Variants in ONECUT3 observed in about 807,000 individuals in gnomAD.
ONECUT3 encodes one cut domain family member 3.
Under a neutral mutation model 16.8 loss-of-function variants are expected in ONECUT3, and 11 were observed. The observed-to-expected ratio is 0.66, with a 90% CI of 0.41 to 1.09. The LOEUF is 1.09. Among genes scored for constraint, ONECUT3 ranks in the 50% least tolerant of loss-of-function variants. The pLI is 0.00. For missense variants in ONECUT3, 637 were observed against 629.9 expected, an observed-to-expected ratio of 1.01 and a Z score of -0.12; for synonymous variants, 344 against 310.7, an observed-to-expected ratio of 1.11 and a Z score of -1.13.
chr19:1,760,190 C>T (rs2067939300), intron 1 of ONECUT3, among the ~76,000 whole-genome samples: 1 of 152,236 alleles, frequency 6.6e-6, no homozygotes, highest in South Asian at 2.1e-4. Context: ...CTTGCCAGAG[C>T]CCCGCACTGC....
Position 1,754,724 on chromosome 19 carries a change from C to A in ONECUT3, c.1062C>A (p.Gly354=). Residue 354 remains glycine, a synonymous_variant, in exon 1 of 2, where the codon GGC becomes GGA. Transcript: ENST00000382349. The surrounding 1 kb of genome is among the most constrained non-coding windows in gnomAD (Gnocchi z 7.4). ...FAQRILCRSQ[G]TLSDLLRNPK... ...AGCGGATCCTGTGTCGCTCTCAGGG[C>A]ACGCTCTCCGACCTGCTGCGCAACC... is the stretch of plus-strand genomic sequence containing the variant. 1 of 1,550,012 alleles carries A rather than the reference C, an allele frequency of 6.5e-7. No homozygotes were observed. The highest frequency in any genetic ancestry group is 8.7e-7 in the Non-Finnish European group (1 of 1,150,308).
intron 1 of ONECUT3, among the ~76,000 whole-genome samples, chr19:1,773,642 C>G (rs2068077672): frequency 6.6e-6 from 1 of 152,210 alleles, no homozygotes; most frequent in African/African-American, 2.4e-5. Context: ...ACCTGCACCA[C>G]CGGCCACTTC....
rs1391994085 is a variant in ONECUT3, at chr19:1,764,902, T to C, written c.1192+10048T>C. ...CAGCTGGTGGCGGGGACAGGACGCG[T>C]CGCCAAGGAAACCGGTCATCATCCC... On this transcript the variant is annotated intron_variant, in intron 1 of 1. Transcript: ENST00000382349. This position sits in a 1 kb window ranked among gnomAD's most constrained non-coding sequence, Gnocchi z 5.0. 6.6e-6 allele frequency among the ~76,000 whole-genome samples: 1 copy of C among 151,808 alleles called. No individual in the cohort carries two copies. Among genetic ancestry groups the C allele is most frequent in the Admixed American group, 6.6e-5 (1 of 15,258 alleles).
chr19:1,769,221 T>C (rs2068030837), intron 1 of ONECUT3, among the ~76,000 whole-genome samples: 1 of 140,598 alleles, frequency 7.1e-6, no homozygotes, highest in Non-Finnish European at 1.6e-5. Context: ...GAAGAGGTGA[T>C]GAAGGAGGAG....
intron 1 of ONECUT3, among the ~76,000 whole-genome samples, chr19:1,756,203 A>G (rs1163323170): frequency 6.6e-6 from 1 of 151,572 alleles, no homozygotes; most frequent in African/African-American, 2.4e-5. Context: ...GGACCAGACA[A>G]CCCCCTGGGA....
intron 1 of ONECUT3, among the ~76,000 whole-genome samples, chr19:1,768,951 AGGTGCT>A: frequency 6.8e-6 from 1 of 147,886 alleles, no homozygotes; most frequent in South Asian, 2.2e-4. Flanking sequence ...GTAGAGGTAG[AGGTGCT>A]GGAGGTGGAG....
At chr19:1,772,589 C>A (rs527903415) in intron 1 of ONECUT3, among the ~76,000 whole-genome samples, 15 of 152,082 alleles carry the variant, frequency 9.9e-5, no homozygotes, top group Non-Finnish European at 2.2e-4. Flanking sequence ...AGGTGACAAC[C>A]CTGCTTCATC....
chr19:1,763,231 G>A (rs1161199089), intron 1 of ONECUT3, among the ~76,000 whole-genome samples: 1 of 151,772 alleles, frequency 6.6e-6, no homozygotes, highest in Admixed American at 6.6e-5. Context: ...GGGCGTGGTG[G>A]CACATGCCTG....
rs1042520745 is a variant in ONECUT3 at position 1,775,308 on chromosome 19, C to T, written c.1348C>T (p.Gln450Ter). The change falls in exon 2 of 2, where the codon CAG becomes TAG. Residue 450 changes from glutamine to a stop codon, truncating the protein, a stop_gained. Transcript: ENST00000382349. LOFTEE classifies it high-confidence loss of function. ...SKEMQVTISQ[Q>*]LGLELNTVSN... The stretch of plus-strand genomic sequence containing the variant: ...GGAGATGCAGGTCACCATCTCGCAG[C>T]AGCTCGGCTTGGAGCTCAACACCGT... 1 of 1,603,760 alleles carries T rather than the reference C, an allele frequency of 6.2e-7. No individual in the cohort carries two copies. Among genetic ancestry groups the T allele is most frequent in the Admixed American group, 1.7e-5 (1 of 58,982 alleles).
intron 1 of ONECUT3, among the ~76,000 whole-genome samples, chr19:1,768,614 T>TC (rs1347018124): frequency 6.6e-6 from 1 of 151,930 alleles, no homozygotes. Context: ...CCACTCTCTA[T>TC]CCCCCCGACT....
chr19:1,775,383 G>T lies in ONECUT3; in HGVS notation c.1423G>T (p.Glu475Ter), dbSNP rs778536345. The T allele has an allele frequency of 2.6e-6, 4 of 1,537,944 alleles. No homozygotes were observed. The highest frequency in any genetic ancestry group is 3.5e-6 in the Non-Finnish European group (4 of 1,143,160). Residue 475 changes from glutamate to a stop codon, truncating the protein, a stop_gained, in exon 2 of 2, where the codon GAG becomes TAG. Transcript: ENST00000382349. LOFTEE classifies it low-confidence loss of function (END_TRUNC). Reference protein sequence around the residue: ...ARRRCMNRWAEEPSTAPGGPA... With the variant: ...ARRRCMNRWA ...GCGCCGCTGCATGAACCGCTGGGCT[G>T]AGGAGCCCAGCACGGCCCCCGGGGG...
rs939637934 is a variant in ONECUT3, at chr19:1,754,926, C to A, written c.1192+72C>A. On this transcript the variant is annotated intron_variant, in intron 1 of 1. Coordinates refer to ENST00000382349, the MANE Select transcript of ONECUT3 (RefSeq NM_001080488.2). This position sits in a 1 kb window ranked among gnomAD's most constrained non-coding sequence, Gnocchi z 7.4. ...GACTCCCGAGCACCTAGCGGGGCGGCGGCCGATGCCCGGGGCCAGCGCCCC... is the reference window on the plus strand; with the variant it reads ...GACTCCCGAGCACCTAGCGGGGCGGAGGCCGATGCCCGGGGCCAGCGCCCC... The A allele has an allele frequency of 7.8e-7, 1 of 1,282,506 alleles. No individual in the cohort carries two copies. The highest frequency in any genetic ancestry group is 1.6e-5 in the African/African-American group (1 of 64,272). 79.4% of individuals were successfully genotyped at this position (1,282,506 alleles called of 1,614,324 possible).
chr19:1,780,355 A>T lies in ONECUT3; in HGVS notation c.*4910A>T, dbSNP rs1445459647. 6.6e-6 allele frequency: 1 copy of T among 152,036 alleles called. No individual in the cohort carries two copies. The highest frequency in any genetic ancestry group is 1.5e-5 in the Non-Finnish European group (1 of 68,020). The allele number at this position is 152,036 out of a possible 1,614,324, so 9.4% of individuals were successfully genotyped here. ...AAATCATCAAAGGGGGCTCTGGGAC[A>T]ATGTCCTCTGCCTCTGACTCCTCTT... On this transcript the variant is annotated 3_prime_UTR_variant, in exon 2 of 2. Transcript: ENST00000382349.
intron 1 of ONECUT3, among the ~76,000 whole-genome samples, chr19:1,763,730 T>TGG (rs2067960461): frequency 8.8e-6 from 1 of 113,170 alleles, no homozygotes; most frequent in South Asian, 2.5e-4. Context: ...TTTCCCTTTT[T>TGG]TGTTTTTTTT....
rs893467716 is a variant in ONECUT3 at position 1,758,825 on chromosome 19, G to C, written c.1192+3971G>C. On this transcript the variant is annotated intron_variant, in intron 1 of 1. Transcript: ENST00000382349. The surrounding 1 kb of genome is among the most constrained non-coding windows in gnomAD (Gnocchi z 5.9). ...GGGCGGTCGATGAATTCGAATTACC[G>C]TCTCTAATTCATCACCGTCGCCGGG... Among the ~76,000 whole-genome samples, 1 of 152,198 alleles carries C rather than the reference G, an allele frequency of 6.6e-6. No individual in the cohort carries two copies. Among genetic ancestry groups the C allele is most frequent in the Non-Finnish European group, 1.5e-5 (1 of 68,044 alleles).
chr19:1,763,156 G>A (rs1011995526), intron 1 of ONECUT3, among the ~76,000 whole-genome samples: 2 of 151,862 alleles, frequency 1.3e-5, no homozygotes, highest in African/African-American at 4.8e-5. Flanking sequence ...CTGAGGCCAG[G>A]AGTTCGAGAC....
chr19:1,754,587 GGC>G lies in ONECUT3; in HGVS notation c.927_928del (p.Gly310ArgfsTer165). ...GGGAGGCGGCGGCCCCGGCGGGAGC[GGC>G]GGCGGCCCCAGCGCGGGCGCAGCGG... Reference protein sequence around the residue: ...HGGGGGPGGSGGGPSAGAAAE... With the variant: ...HGGGGGPGGSXGGPSAGAAAE... On this transcript the variant is annotated frameshift_variant, in exon 1 of 2. Coordinates refer to ENST00000382349, the MANE Select transcript of ONECUT3 (RefSeq NM_001080488.2). LOFTEE classifies it high-confidence loss of function. The surrounding 1 kb of genome is among the most constrained non-coding windows in gnomAD (Gnocchi z 7.4). 1 of 1,269,294 alleles carries G rather than the reference GGC, an allele frequency of 7.9e-7. No homozygotes were observed. Among genetic ancestry groups the G allele is most frequent in the Non-Finnish European group, 1.0e-6 (1 of 999,514 alleles). 78.6% of individuals were successfully genotyped at this position (1,269,294 alleles called of 1,614,324 possible).
At chr19:1,765,685 C>T (rs1568596706) in intron 1 of ONECUT3, among the ~76,000 whole-genome samples, 2 of 152,188 alleles carry the variant, frequency 1.3e-5, no homozygotes, top group Admixed American at 1.3e-4. Flanking sequence ...GGGACTGCGG[C>T]CCGGTGGGGA....
rs1356546913 is a variant in ONECUT3 at position 1,754,109 on chromosome 19, C to G, written c.447C>G (p.Ala149=). ...GHPHAHPHPA[A]APPPPPPPQR... ...CCCACGCGCACCCGCACCCGGCGGC[C>G]GCGCCGCCCCCGCCACCCCCGCCGC... is the stretch of plus-strand genomic sequence containing the variant. Residue 149 remains alanine, a synonymous_variant, in exon 1 of 2, where the codon GCC becomes GCG. Coordinates refer to ENST00000382349, the MANE Select transcript of ONECUT3 (RefSeq NM_001080488.2). This position sits in a 1 kb window ranked among gnomAD's most constrained non-coding sequence, Gnocchi z 7.4. 1 of 1,019,626 alleles carries G rather than the reference C, an allele frequency of 9.8e-7. No homozygotes were observed. The highest frequency in any genetic ancestry group is 1.2e-6 in the Non-Finnish European group (1 of 855,154). The allele number at this position is 1,019,626 out of a possible 1,614,324, so 63.2% of individuals were successfully genotyped here.
Sources: allele counts gnomAD v4.1 joint callset (sites outside exome capture counted in the v4.1 genomes callset), GRCh38; gene constraint gnomAD v4.1.1; non-coding constraint Gnocchi (gnomAD v3.1); transcripts MANE v1.5; gene names NCBI Gene and HGNC (gene_info 2026-07-23, HGNC 2026-07-21).